GNAT2: variants seen among roughly 807,000 people sequenced by gnomAD.
GNAT2 encodes the protein G protein subunit alpha transducin 2.
A neutral mutation model predicts 40.9 loss-of-function variants in GNAT2; 32 were observed. The ratio of observed to expected loss-of-function variants is 0.78; its 90% CI spans 0.59 to 1.05. GNAT2 has a LOEUF of 1.05. Ranked by LOEUF, GNAT2 falls within the 50% of genes least tolerant of loss-of-function variation. The pLI is 0.00. For missense variants in GNAT2, 355 were observed against 431.5 expected (o/e 0.82, Z 1.57); for synonymous variants, 141 against 157.2 (o/e 0.90, Z 0.77).
At chr1:109,612,606 C>T in intron 2 of GNAT2, 147 bp downstream of exon 2, 2 of 708,526 alleles carry the variant, frequency 2.8e-6, no homozygotes, top group East Asian at 2.7e-5. Flanking sequence ...AGCTCTAGAT[C>T]TCCTGATCCC....
chr1:109,603,967 A>G lies in GNAT2; in HGVS notation c.858T>C (p.Cys286=), dbSNP rs1466813228. The part of the protein sequence containing the change: ...EKIKKVHLSI[C]FPEYDGNNSY... Reference sequence around the variant, plus strand: ...GACACTTACCATCATACTCTGGAAAACAAATGCTGAGATGGACTTTCTTGA... The same window carrying G: ...GACACTTACCATCATACTCTGGAAAGCAAATGCTGAGATGGACTTTCTTGA... The change falls in exon 8 of 9, where the codon TGT becomes TGC. Residue 286 remains cysteine (C), a synonymous_variant. Transcript: ENST00000679935. 1.9e-6 allele frequency: 3 copies of G among 1,609,526 alleles called. No individual in the cohort carries two copies. Among genetic ancestry groups the G allele is most frequent in the Non-Finnish European group, 2.6e-6 (3 of 1,176,060 alleles).
At chr1:109,604,144 T>G (rs756605853) in intron 7 of GNAT2, 40 bp from the exon 8 acceptor site, 221 of 1,515,878 alleles carry the variant, frequency 1.5e-4, no homozygotes, top group Non-Finnish European at 1.9e-4. Context: ...CAGATTTGGC[T>G]TATAGAATAT....
At position 109,604,065 on chromosome 1, in the gene GNAT2, A is replaced by G. The variant is rs1189352767; in HGVS notation, c.760T>C (p.Cys254Arg). ...HESLHLFNSICNHKFFAATSI... is the reference protein window; with the variant it reads ...HESLHLFNSIRNHKFFAATSI... Reference sequence around the variant, plus strand: ...GTAGCCGCAAAGAATTTGTGGTTACATATGCTGTTGAACAGATGCAAAGAC... The same window carrying G: ...GTAGCCGCAAAGAATTTGTGGTTACGTATGCTGTTGAACAGATGCAAAGAC... The change falls in exon 8 of 9, where the codon TGT becomes CGT. Residue 254 changes from cysteine to arginine, a missense_variant. Physicochemically the swap from Cys to Arg is radical, Grantham distance 180. Coordinates refer to ENST00000679935, the MANE Select transcript of GNAT2 (RefSeq NM_001377295.2). The G allele has an allele frequency of 1.9e-6, 3 of 1,611,300 alleles. No homozygotes were observed. Among genetic ancestry groups the G allele is most frequent in the East Asian group, 2.2e-5 (1 of 44,870 alleles).
At chr1:109,616,706 C>T (rs765153134) in intron 1 of GNAT2, 1 of 152,124 alleles carries the variant, frequency 6.6e-6, no homozygotes, top group Non-Finnish European at 1.5e-5. Context: ...CAAAGTTCTA[C>T]AGCGGAAGAA....
chr1:109,608,726 C>G lies in GNAT2; in HGVS notation c.366G>C (p.Glu122Asp), dbSNP rs1199544222. The change falls in exon 5 of 9, where the codon GAG becomes GAC. Residue 122 changes from glutamate (E) to aspartate (D), a missense_variant. Transcript: ENST00000679935. ...ACAACCTCCTAATGACCTCCACGAG[C>G]TCAGGAGGCATGGTTCCCTCCTCAA... ...DSIEEGTMPP[E>D]LVEVIRRLWK... is the part of the protein sequence containing the mutation. 2 of 1,613,062 alleles carry G rather than the reference C, an allele frequency of 1.2e-6. No individual in the cohort carries two copies. Among genetic ancestry groups the G allele is most frequent in the Non-Finnish European group, 1.7e-6 (2 of 1,179,102 alleles).
rs992248073 is a variant in GNAT2 at position 109,603,547 on chromosome 1, G to A, written c.875-3C>T. 13 of 1,596,232 alleles carry A rather than the reference G, an allele frequency of 8.1e-6. No homozygotes were observed. The highest frequency in any genetic ancestry group is 1.1e-5 in the Non-Finnish European group (13 of 1,163,946). On this transcript the variant is annotated splice_polypyrimidine_tract_variant and splice_region_variant and intron_variant, in intron 8 of 8. Transcript: ENST00000679935. ...CGCATCATCATAGGAGTTGTTACCTGGTTTTCCAGAAAAATAGTGAAAAAG... is the reference window on the plus strand; with the variant it reads ...CGCATCATCATAGGAGTTGTTACCTAGTTTTCCAGAAAAATAGTGAAAAAG...
chr1:109,613,178 A>G, intron 1 of GNAT2: 1 of 379,282 alleles, frequency 2.6e-6, no homozygotes, highest in Non-Finnish European at 5.1e-6. Flanking sequence ...AAAGACTCAA[A>G]TGTTTCTATA....
chr1:109,608,544 G>T, intron 5 of GNAT2, 87 bp downstream of exon 5: 1 of 1,272,358 alleles, frequency 7.9e-7, no homozygotes, highest in Non-Finnish European at 1.2e-6. Context: ...TGAAATTTTG[G>T]GTTGGGTGAG....
Position 109,610,462 on chromosome 1 carries a change from C to A in GNAT2, c.161+3G>T. 2 of 1,613,438 alleles carry A rather than the reference C, an allele frequency of 1.2e-6. No homozygotes were observed. Among genetic ancestry groups the A allele is most frequent in the Non-Finnish European group, 1.7e-6 (2 of 1,179,400 alleles). ...TGTCTTTTGGGGCTTTGTTTCTACT[C>A]ACTTCATCTGTTTGACGATGGTGCT... On this transcript the variant is annotated splice_donor_region_variant and intron_variant, in intron 3 of 8. Transcript: ENST00000679935.
At chr1:109,606,872 T>A (rs571656423) in intron 5 of GNAT2, 1 of 203,292 alleles carries the variant, frequency 4.9e-6, no homozygotes, top group African/African-American at 2.3e-5. Flanking sequence ...ACTGGGGAAA[T>A]TTGAACACCG....
intron 2 of GNAT2, chr1:109,612,329 A>C (rs1328308823): frequency 3.5e-6 from 1 of 285,860 alleles, no homozygotes; most frequent in African/African-American, 2.2e-5. Flanking sequence ...GTTGGCACTG[A>C]CTGTATGGTG....
At chr1:109,609,099 C>G (rs1170461342) in intron 4 of GNAT2, 2 of 425,732 alleles carry the variant, frequency 4.7e-6, no homozygotes, top group African/African-American at 4.0e-5. Context: ...CGTGGGTCCT[C>G]TGCTGCAGAG....
At chr1:109,603,594 A>G (rs1480058154) in intron 8 of GNAT2, 50 bp from the exon 9 acceptor site, 2 of 1,186,404 alleles carry the variant, frequency 1.7e-6, no homozygotes, top group East Asian at 2.3e-5. Flanking sequence ...AACCCTTGTT[A>G]GTTGCTGACT....
intron 5 of GNAT2, chr1:109,608,192 C>G: frequency 7.2e-6 from 2 of 277,664 alleles, no homozygotes; most frequent in South Asian, 7.7e-5. Flanking sequence ...CTAAGTAGAT[C>G]CTAGATTACC....
rs970708553 is a variant in GNAT2, at chr1:109,613,173, C to T, written c.-53-250G>A. The stretch of plus-strand genomic sequence containing the variant: ...TTGTCAATATGGCAAGGGGTAAAGA[C>T]TCAAATGTTTCTATAACTAGGGAAA... On this transcript the variant is annotated intron_variant, in intron 1 of 8. Coordinates refer to ENST00000679935, the MANE Select transcript of GNAT2 (RefSeq NM_001377295.2). The T allele has an allele frequency of 1.0e-5, 4 of 387,806 alleles. No individual in the cohort carries two copies. In the Admixed American group the frequency reaches 1.5e-4, roughly 14 times the overall value. 24.0% of individuals were successfully genotyped at this position (387,806 alleles called of 1,614,324 possible).
At position 109,607,624 on chromosome 1, in the gene GNAT2, A is replaced by T. The variant is rs1035199207; in HGVS notation, c.461+1007T>A. ...CCCCATTTTACAGATGGAGAAATTC[A>T]GAAGAGTTAAATACTTGGCTAGGGT... On this transcript the variant is annotated intron_variant, in intron 5 of 8. Coordinates refer to ENST00000679935, the MANE Select transcript of GNAT2 (RefSeq NM_001377295.2). 28 of 152,362 alleles carry T rather than the reference A, an allele frequency of 1.8e-4. 1 individual carries two copies. The highest frequency in any genetic ancestry group is 6.3e-4 in the African/African-American group (26 of 41,586). The allele number at this position is 152,362 out of a possible 1,614,324, so 9.4% of individuals were successfully genotyped here.
intron 7 of GNAT2, chr1:109,604,969 A>G (rs1342098808): frequency 6.6e-6 from 1 of 152,242 alleles, no homozygotes; most frequent in African/African-American, 2.4e-5. Flanking sequence ...AGTCTCATAG[A>G]CTGTAATCTT....
intron 1 of GNAT2, chr1:109,615,791 A>G (rs906114781): frequency 6.6e-6 from 1 of 152,398 alleles, no homozygotes; most frequent in African/African-American, 2.4e-5. Context: ...TTCAAAAACA[A>G]AAAAACAAAG....
Position 109,603,395 on chromosome 1 carries a change from T to C in GNAT2, c.1024A>G (p.Ile342Val). The change falls in exon 9 of 9, where the codon ATT (isoleucine) becomes GTT (valine). Residue 342 changes from isoleucine (I) to valine (V), a missense_variant. Transcript: ENST00000679935. ...TCCTTGAGGTTTTCTTTGATGATAATATCTGTAACTGCATCAAACACAAAT... is the reference window on the plus strand; with the variant it reads ...TCCTTGAGGTTTTCTTTGATGATAACATCTGTAACTGCATCAAACACAAAT... Reference protein sequence around the residue: ...VKFVFDAVTDIIIKENLKDCG... With the variant: ...VKFVFDAVTDVIIKENLKDCG... The C allele has an allele frequency of 6.2e-7, 1 of 1,605,138 alleles. No homozygotes were observed. The highest frequency in any genetic ancestry group is 1.7e-4 in the Middle Eastern group (1 of 6,010).
Sources: allele counts gnomAD v4.1 joint callset, GRCh38; gene constraint gnomAD v4.1.1; transcripts MANE v1.5; gene names NCBI Gene and HGNC (gene_info 2026-07-23, HGNC 2026-07-21).